CELF4: variants seen among roughly 807,000 people sequenced by gnomAD.
The protein encoded by CELF4 is CUG-BP- and ETR-3-like factor 4.
A neutral mutation model predicts 59.9 loss-of-function variants in CELF4; 18 were observed. The observed-to-expected ratio is 0.30, with a 90% CI of 0.21 to 0.45. The LOEUF is 0.45. Among genes scored for constraint, CELF4 ranks in the 20% least tolerant of loss-of-function variants. CELF4 has a pLI of 1.00. For synonymous variants in CELF4, 261 were observed against 267.1 expected, an observed-to-expected ratio of 0.98 and a Z score of 0.22; for missense variants, 456 against 689.0, an observed-to-expected ratio of 0.66 and a Z score of 3.79.
At chr18:37,415,833 C>T (rs1172392233) in intron 2 of CELF4, among the ~76,000 whole-genome samples, 1 of 152,224 alleles carries the variant, frequency 6.6e-6, no homozygotes, top group Non-Finnish European at 1.5e-5. Context: ...CAACATGACA[C>T]TCCCTGGACA....
chr18:37,370,315 T>C (rs553960451), intron 2 of CELF4, among the ~76,000 whole-genome samples: 50 of 152,286 alleles, frequency 3.3e-4, no homozygotes, highest in African/African-American at 1.2e-3. Context: ...ATAGATCCAT[T>C]CTACTGCTCG....
chr18:37,547,859 G>C (rs1337740340), intron 1 of CELF4, among the ~76,000 whole-genome samples: 1 of 151,968 alleles, frequency 6.6e-6, no homozygotes, highest in Non-Finnish European at 1.5e-5. Context: ...CTGTGTGAGG[G>C]TATGTATCTG....
chr18:37,298,649 TG>T (rs1337288520), intron 3 of CELF4, among the ~76,000 whole-genome samples: 5 of 149,086 alleles, frequency 3.4e-5, no homozygotes, highest in African/African-American at 1.2e-4. Flanking sequence ...CGCTTAAACC[TG>T]GGAGGCAGAT....
chr18:37,287,713 C>G (rs1378945859), intron 3 of CELF4, among the ~76,000 whole-genome samples: 1 of 152,116 alleles, frequency 6.6e-6, no homozygotes, highest in Non-Finnish European at 1.5e-5. Context: ...CTCAGAGGGC[C>G]CATGCTTAAG....
chr18:37,258,851 T>G (rs1271242739), intron 11 of CELF4, among the ~76,000 whole-genome samples: 1 of 152,166 alleles, frequency 6.6e-6, no homozygotes, highest in Non-Finnish European at 1.5e-5. Context: ...CCCCTTTCCC[T>G]TCTCAGTAGG....
intron 12 of CELF4, among the ~76,000 whole-genome samples, chr18:37,252,307 A>G (rs2065974538): frequency 6.6e-6 from 1 of 152,020 alleles, no homozygotes; most frequent in East Asian, 1.9e-4. Flanking sequence ...ATTCCTTCAC[A>G]TCTCATCAAC....
intron 2 of CELF4, among the ~76,000 whole-genome samples, chr18:37,385,813 C>T (rs1227818280): frequency 6.6e-6 from 1 of 152,242 alleles, no homozygotes; most frequent in Non-Finnish European, 1.5e-5. Flanking sequence ...AGAGACCCCA[C>T]ATGTGGACTA....
At chr18:37,268,210 C>T (rs2078653705) in intron 8 of CELF4, among the ~76,000 whole-genome samples, 1 of 152,142 alleles carries the variant, frequency 6.6e-6, no homozygotes, top group South Asian at 2.1e-4. Context: ...AGATGAGCCA[C>T]AATGCAGGCT....
At chr18:37,277,826 C>A (rs2093572929) in intron 3 of CELF4, among the ~76,000 whole-genome samples, 1 of 152,084 alleles carries the variant, frequency 6.6e-6, no homozygotes, top group African/African-American at 2.4e-5. Context: ...TCCAGAAAGA[C>A]TTAGAAATGG....
intron 2 of CELF4, among the ~76,000 whole-genome samples, chr18:37,429,076 G>T (rs1467518578): frequency 6.6e-6 from 1 of 152,208 alleles, no homozygotes; most frequent in East Asian, 1.9e-4. Context: ...CTTGGTGAGG[G>T]AGTCGTGCTT....
At chr18:37,351,244 A>G (rs2098435155) in intron 2 of CELF4, among the ~76,000 whole-genome samples, 1 of 152,186 alleles carries the variant, frequency 6.6e-6, no homozygotes, top group Non-Finnish European at 1.5e-5. Flanking sequence ...AAAGTTCTGA[A>G]GGCATCGTGT....
Position 37,351,178 on chromosome 18 carries a change from T to C in CELF4, c.370-29297A>G, listed in dbSNP as rs2098434184. Reference sequence around the variant, plus strand: ...TAATTGTCTTGACAGCCGGAGATCCTGGTGCAATGACAGTCTAGTTTAAGT... The same window carrying C: ...TAATTGTCTTGACAGCCGGAGATCCCGGTGCAATGACAGTCTAGTTTAAGT... On this transcript the variant is annotated intron_variant, in intron 2 of 12. Coordinates refer to ENST00000420428, the MANE Select transcript of CELF4 (RefSeq NM_020180.4). Among the ~76,000 whole-genome samples the C allele has an allele frequency of 3.3e-5, 5 of 152,026 alleles. No individual in the cohort carries two copies. In the South Asian group the frequency reaches 1.0e-3, roughly 32 times the overall value.
intron 1 of CELF4, among the ~76,000 whole-genome samples, chr18:37,500,381 C>T (rs1301200733): frequency 6.6e-6 from 1 of 152,046 alleles, no homozygotes; most frequent in Non-Finnish European, 1.5e-5. Flanking sequence ...GAGACCCAGA[C>T]CCAGGCTTAG....
In CELF4 at chr18:37,492,966, C is replaced by T. The variant is rs999095237; in HGVS notation, c.287-7359G>A. On this transcript the variant is annotated intron_variant, in intron 1 of 12. Coordinates refer to ENST00000420428, the MANE Select transcript of CELF4 (RefSeq NM_020180.4). ...TGTCCAGCCAAGGTTGACCCTCCTG[C>T]CATCTTCCCAGGACCTTTTCTGGCC... 2.6e-5 allele frequency among the ~76,000 whole-genome samples: 4 copies of T among 152,284 alleles called. No homozygotes were observed. The South Asian group carries it at 8.3e-4, about 32-fold the overall frequency.
At chr18:37,479,081 G>T (rs1453296670) in intron 2 of CELF4, among the ~76,000 whole-genome samples, 2 of 152,234 alleles carry the variant, frequency 1.3e-5, no homozygotes, top group African/African-American at 4.8e-5. Context: ...AAGCCCTTGG[G>T]TCAAGTCTGC....
intron 2 of CELF4, among the ~76,000 whole-genome samples, chr18:37,345,961 T>C (rs2098241900): frequency 6.6e-6 from 1 of 152,016 alleles, no homozygotes; most frequent in South Asian, 2.1e-4. Context: ...TTCTGTCCCA[T>C]TTCCTGGAGT....
At position 37,364,274 on chromosome 18, in the gene CELF4, A is replaced by C. The variant is rs144561501; in HGVS notation, c.370-42393T>G. Among the ~76,000 whole-genome samples the C allele has an allele frequency of 1.2e-3, 188 of 152,150 alleles. 4 individuals are homozygous for C. The South Asian group carries it at 0.015, about 12-fold the overall frequency. ...TTACCACCAGCTTCTTTACAGACAT[A>C]ATGTTCTTGGTTTTTGCTGTTTCTC... is the stretch of plus-strand genomic sequence containing the variant. On this transcript the variant is annotated intron_variant, in intron 2 of 12. Transcript: ENST00000420428.
intron 2 of CELF4, among the ~76,000 whole-genome samples, chr18:37,471,032 T>C (rs1569569560): frequency 6.6e-6 from 1 of 152,132 alleles, no homozygotes; most frequent in African/African-American, 2.4e-5. Context: ...TAGCCTGCCC[T>C]GAATGGAGAC....
intron 11 of CELF4, among the ~76,000 whole-genome samples, chr18:37,258,055 A>G (rs1189779507): frequency 6.6e-6 from 1 of 152,248 alleles, no homozygotes; most frequent in Non-Finnish European, 1.5e-5. Context: ...GTACATACTT[A>G]TACTAAAAAT....
Sources: gnomAD v4.1 joint callset for allele counts (sites outside exome capture counted in the v4.1 genomes callset) on GRCh38, gnomAD v4.1.1 for gene constraint, MANE v1.5 for transcripts, NCBI Gene and HGNC (gene_info 2026-07-23, HGNC 2026-07-21) for gene names.